IRAK3: variants seen among roughly 807,000 people sequenced by gnomAD.
IRAK3 encodes the protein interleukin 1 receptor associated kinase 3.
Under a neutral mutation model 56.6 loss-of-function variants are expected in IRAK3, and 57 were observed. The observed-to-expected ratio is 1.01, with a 90% CI of 0.81 to 1.26. IRAK3 has a LOEUF of 1.26. Ranked by LOEUF, IRAK3 falls within the 50% of genes most tolerant of loss-of-function variation. IRAK3 has a pLI of 0.00. For missense variants in IRAK3, 703 were observed against 719.0 expected, an observed-to-expected ratio of 0.98 and a Z score of 0.25; for synonymous variants, 258 against 255.7, an observed-to-expected ratio of 1.01 and a Z score of -0.09.
chr12:66,226,949 G>T, intron 7 of IRAK3, 112 bp downstream of exon 7: 1 of 728,768 alleles, frequency 1.4e-6, no homozygotes, highest in South Asian at 1.5e-5. Flanking sequence ...TGAGGGGAAA[G>T]CCAAGAATGG....
intron 8 of IRAK3, among the ~76,000 whole-genome samples, chr12:66,239,299 C>CTTTTTTTTT (rs10677185): frequency 6.9e-6 from 1 of 144,572 alleles, no homozygotes; most frequent in Non-Finnish European, 1.5e-5. Flanking sequence ...TCAAAATGGA[C>CTTTTTTTTT]TTTTTTTTTT....
At chr12:66,223,917 T>A (rs117042297) in intron 6 of IRAK3, among the ~76,000 whole-genome samples, 325 of 151,842 alleles carry the variant, frequency 2.1e-3, no homozygotes, top group Non-Finnish European at 2.8e-3. Context: ...AGTACTTTCA[T>A]GGTTTCATTT....
At position 66,189,243 on chromosome 12, in the gene IRAK3, C is replaced by G. The variant is rs912978598; in HGVS notation, c.-57C>G. 2 of 1,528,286 alleles carry G rather than the reference C, an allele frequency of 1.3e-6. No individual in the cohort carries two copies. Among genetic ancestry groups the G allele is most frequent in the Non-Finnish European group, 1.8e-6 (2 of 1,142,086 alleles). The allele number at this position is 1,528,286 out of a possible 1,614,324, so 94.7% of individuals were successfully genotyped here. ...TTTCCGCGGTTGTGTAACGGCCTGT[C>G]GCAGGCGTGCAGGGACCTGGACTCC... On this transcript the variant is annotated 5_prime_UTR_variant, in exon 1 of 12. Coordinates refer to ENST00000261233, the MANE Select transcript of IRAK3 (RefSeq NM_007199.3).
Position 66,228,315 on chromosome 12 carries a change from A to G in IRAK3, c.832A>G (p.Ile278Val), listed in dbSNP as rs765450222. ...TATATTAATAGGAATATCCAAAGCCATTCACTACCTGCACAACGTTCAACC... is the reference window on the plus strand; with the variant it reads ...TATATTAATAGGAATATCCAAAGCCGTTCACTACCTGCACAACGTTCAACC... ...IGILIGISKA[I>V]HYLHNVQPCS... Residue 278 changes from isoleucine (I) to valine (V), a missense_variant, in exon 8 of 12, where the codon ATT becomes GTT. Transcript: ENST00000261233. 2 of 1,614,186 alleles carry G rather than the reference A, an allele frequency of 1.2e-6. No homozygotes were observed. The highest frequency in any genetic ancestry group is 1.7e-6 in the Non-Finnish European group (2 of 1,180,022).
chr12:66,197,420 T>C, intron 1 of IRAK3: 1 of 985,846 alleles, frequency 1.0e-6, no homozygotes, highest in South Asian at 4.7e-5. Flanking sequence ...TTGTATCAGA[T>C]TGGAGCTATT....
In IRAK3 at chr12:66,234,753, G is replaced by A. The variant is rs1234347091; in HGVS notation, c.887+6383G>A. The A allele has an allele frequency of 4.4e-6, 7 of 1,593,880 alleles. No individual in the cohort carries two copies. In the East Asian group the frequency reaches 1.6e-4, roughly 36 times the overall value. On this transcript the variant is annotated intron_variant, in intron 8 of 11. Coordinates refer to ENST00000261233, the MANE Select transcript of IRAK3 (RefSeq NM_007199.3). The stretch of plus-strand genomic sequence containing the variant: ...TCCGTCCTAGCAAAGCCAACACCAC[G>A]ACTTGTACCACTGGCATCACGTAGT...
rs2053110784 is a variant in IRAK3, at chr12:66,252,524, G to A, written c.*4353G>A. The A allele has an allele frequency of 6.6e-6, 1 of 152,222 alleles. No homozygotes were observed. Among genetic ancestry groups the A allele is most frequent in the South Asian group, 2.1e-4 (1 of 4,830 alleles). The allele number at this position is 152,222 out of a possible 1,614,324, so 9.4% of individuals were successfully genotyped here. A position where few individuals can be genotyped will look rare whatever the true frequency, so the allele number is the denominator to read the frequency against. On this transcript the variant is annotated 3_prime_UTR_variant, in exon 12 of 12. Transcript: ENST00000261233. ...GGCACCCACTGCAGTTACTTGATAT[G>A]AGTTAAATGAATCCATCCATCCAAA...
intron 11 of IRAK3, among the ~76,000 whole-genome samples, chr12:66,246,519 C>T (rs1194128467): frequency 6.6e-6 from 1 of 152,188 alleles, no homozygotes; most frequent in Non-Finnish European, 1.5e-5. Context: ...CCTGACACCA[C>T]CCGTGAGAGT....
At chr12:66,225,598 T>G (rs935777817) in intron 6 of IRAK3, among the ~76,000 whole-genome samples, 3 of 152,194 alleles carry the variant, frequency 2.0e-5, no homozygotes, top group Admixed American at 1.3e-4. Flanking sequence ...ATAGTAGATG[T>G]CCCATAAGTA....
At chr12:66,191,402 A>G (rs145241303) in intron 1 of IRAK3, among the ~76,000 whole-genome samples, 2 of 152,338 alleles carry the variant, frequency 1.3e-5, no homozygotes, top group East Asian at 3.9e-4. Context: ...TAGATACTGT[A>G]GACGGTAGGT....
chr12:66,228,156 C>A, intron 7 of IRAK3, 96 bp from the exon 8 acceptor site: 1 of 901,098 alleles, frequency 1.1e-6, no homozygotes, highest in Non-Finnish European at 1.9e-6. Flanking sequence ...CCCCACCTTG[C>A]TATCTACTTC....
intron 8 of IRAK3, among the ~76,000 whole-genome samples, chr12:66,235,462 T>TC (rs1357407966): frequency 6.6e-6 from 1 of 151,082 alleles, no homozygotes; most frequent in Admixed American, 6.6e-5. Flanking sequence ...CGCGCTGACT[T>TC]CCCCTCCGCA....
intron 1 of IRAK3, among the ~76,000 whole-genome samples, chr12:66,190,156 G>T (rs2052385718): frequency 6.6e-6 from 1 of 152,110 alleles, no homozygotes; most frequent in African/African-American, 2.4e-5. Flanking sequence ...ATTCCACAAT[G>T]TCATGTTTAA....
At chr12:66,221,177 G>A (rs2136933767) in intron 6 of IRAK3, among the ~76,000 whole-genome samples, 1 of 152,134 alleles carries the variant, frequency 6.6e-6, no homozygotes, top group South Asian at 2.1e-4. Flanking sequence ...ATTGTTCATT[G>A]TTAGCATATA....
At chr12:66,215,790 A>AGGTGCGCGCGCGCGCGCGCG (rs2052668454) in intron 5 of IRAK3, among the ~76,000 whole-genome samples, 135 of 103,148 alleles carry the variant, frequency 1.3e-3, no homozygotes, top group African/African-American at 3.9e-3. Context: ...CAACATGCAC[A>AGGTGCGCGCGCGCGCGCGCG]CACACACACA....
intron 8 of IRAK3, among the ~76,000 whole-genome samples, chr12:66,231,672 G>A (rs1427061418): frequency 1.3e-5 from 2 of 152,208 alleles, no homozygotes; most frequent in African/African-American, 2.4e-5. Flanking sequence ...GAATATTCCT[G>A]GTGGAGGCAA....
intron 1 of IRAK3, among the ~76,000 whole-genome samples, chr12:66,191,217 G>A (rs1473857460): frequency 6.6e-6 from 1 of 152,120 alleles, no homozygotes; most frequent in African/African-American, 2.4e-5. Context: ...TTGTTTAGGG[G>A]TACATAATTG....
rs1456987617 is a variant in IRAK3, at chr12:66,235,226, C to G, written c.887+6856C>G. 4 of 1,609,194 alleles carry G rather than the reference C, an allele frequency of 2.5e-6. No homozygotes were observed. In the African/African-American group the frequency reaches 5.3e-5, roughly 22 times the overall value. On this transcript the variant is annotated intron_variant, in intron 8 of 11. Coordinates refer to ENST00000261233, the MANE Select transcript of IRAK3 (RefSeq NM_007199.3). ...GGCTGGGACCAGAGACTGCTGCTTG[C>G]GATAGGGCGTCCGGCAGTTGCTGCT...
chr12:66,190,477 T>C (rs1284465375), intron 1 of IRAK3, among the ~76,000 whole-genome samples: 1 of 152,224 alleles, frequency 6.6e-6, no homozygotes, highest in African/African-American at 2.4e-5. Context: ...CCATCAGATC[T>C]TTTTGAGATG....
Sources: gnomAD v4.1 joint callset for allele counts (sites outside exome capture counted in the v4.1 genomes callset) on GRCh38, gnomAD v4.1.1 for gene constraint, MANE v1.5 for transcripts, NCBI Gene and HGNC (gene_info 2026-07-23, HGNC 2026-07-21) for gene names.